The following LRP1 variants were observed in gnomAD, a reference collection of about 807,000 sequenced individuals.
LRP1 encodes the protein LDL receptor related protein 1.
In LRP1, 51 loss-of-function variants were observed where a neutral mutation model predicts 541.5. The ratio of observed to expected loss-of-function variants is 0.09; its 90% confidence interval spans 0.08 to 0.12. The LOEUF is 0.12. LRP1 is among the 10% of genes least tolerant of loss of function. The pLI is 1.00. For synonymous variants in LRP1, 2,219 were observed against 2,470.8 expected (o/e 0.90, Z 3.02); for missense variants, 3,878 against 6,376.2 (o/e 0.61, Z 13.34).
At chr12:57,202,176 C>A (rs919403320) in intron 67 of LRP1, among the ~76,000 whole-genome samples, 2 of 152,182 alleles carry the variant, frequency 1.3e-5, no homozygotes, top group Admixed American at 1.3e-4. Context: ...TCCCTGCCCA[C>A]CCTATGGGAT....
At position 57,192,970 on chromosome 12, in the gene LRP1, G is replaced by A. The variant is rs1201338239; in HGVS notation, c.7555G>A (p.Ala2519Thr). The A allele has an allele frequency of 3.1e-6, 5 of 1,613,080 alleles. No homozygotes were observed. The highest frequency in any genetic ancestry group is 1.3e-5 in the African/African-American group (1 of 75,036). The change falls in exon 45 of 89, where the codon GCG (alanine) becomes ACG (threonine). Residue 2519 changes from alanine to threonine, a missense_variant and splice_region_variant. This residue lies in a region of LRP1 where 1,100 missense variants were observed against 1,827.4 expected (regional missense o/e 0.60). Transcript: ENST00000243077. Reference protein sequence around the residue: ...RILQDDLTCRAVNSSCRAQDE... With the variant: ...RILQDDLTCRTVNSSCRAQDE... ...CCTCCAGGATGACCTCACCTGCCGA[G>A]GTGAGAGAGGCGGGGGGGAGGGGCT... is the stretch of plus-strand genomic sequence containing the variant.
Position 57,212,716 on chromosome 12 carries a change from C to A in LRP1, c.*161C>A. On this transcript the variant is annotated 3_prime_UTR_variant, in exon 89 of 89. Transcript: ENST00000243077. This position sits in a 1 kb window ranked among gnomAD's most constrained non-coding sequence, Gnocchi z 5.0. ...ATATGTGAGCGAGCAAGCCGGCAAG[C>A]GAGCACAGTATTATTTCTCCATCCC... The A allele has an allele frequency of 1.3e-6, 1 of 763,252 alleles. No homozygotes were observed. The highest frequency in any genetic ancestry group is 2.0e-6 in the Non-Finnish European group (1 of 491,354). The allele number at this position is 763,252 out of a possible 1,614,324, so 47.3% of individuals were successfully genotyped here.
intron 70 of LRP1, 185 bp downstream of exon 70, chr12:57,203,706 G>T: frequency 1.3e-6 from 1 of 743,834 alleles, no homozygotes; most frequent in Non-Finnish European, 2.0e-6. Flanking sequence ...AAGACACAGG[G>T]CCCCTGAATA....
At position 57,162,638 on chromosome 12, in the gene LRP1, A is replaced by T; in HGVS notation, c.2404+120A>T. 8.0e-7 allele frequency: 1 copy of T among 1,243,098 alleles called. No individual in the cohort carries two copies. Among genetic ancestry groups the T allele is most frequent in the Non-Finnish European group, 1.1e-6 (1 of 886,060 alleles). 77.0% of individuals were successfully genotyped at this position (1,243,098 alleles called of 1,614,324 possible). On this transcript the variant is annotated intron_variant, in intron 14 of 88. Transcript: ENST00000243077. The surrounding 1 kb of genome is among the most constrained non-coding windows in gnomAD (Gnocchi z 5.2). ...CAGGGATCCTAGGCTCTGACTTTTGAGGATCCTGAGAAGAGAACTCCCCCA... is the reference window on the plus strand; with the variant it reads ...CAGGGATCCTAGGCTCTGACTTTTGTGGATCCTGAGAAGAGAACTCCCCCA...
In LRP1 at chr12:57,183,894, G is replaced by C. The variant is rs760386438; in HGVS notation, c.5914G>C (p.Val1972Leu). 2.5e-6 allele frequency: 4 copies of C among 1,614,184 alleles called. No homozygotes were observed. In the South Asian group the frequency reaches 4.4e-5, roughly 18 times the overall value. Residue 1972 changes from valine (V) to leucine (L), a missense_variant, in exon 36 of 89, where the codon GTG (valine) becomes CTG (leucine). Coordinates refer to ENST00000243077, the MANE Select transcript of LRP1 (RefSeq NM_002332.3). The surrounding 1 kb of genome is among the most constrained non-coding windows in gnomAD (Gnocchi z 6.1). ...CATTGGCCGTGTGGAGGGCATTGCA[G>C]TGGACTGGATCGCAGGTGAGCAGTG... is the stretch of plus-strand genomic sequence containing the variant. Reference protein sequence around the residue: ...NGIGRVEGIAVDWIAGNIYWT... With the variant: ...NGIGRVEGIALDWIAGNIYWT...
rs865857394 is a variant in LRP1, at chr12:57,180,553, T to C, written c.5386+74T>C. The C allele has an allele frequency of 1.9e-6, 3 of 1,607,640 alleles. No homozygotes were observed. In the Middle Eastern group the frequency reaches 5.0e-4, roughly 267 times the overall value. On this transcript the variant is annotated intron_variant, in intron 32 of 88. Transcript: ENST00000243077. Reference sequence around the variant, plus strand: ...GACCTACTGGGAGACAGGGGCTGGCTTGGGGCAGTCTCTCACCATGTGGGG... The same window carrying C: ...GACCTACTGGGAGACAGGGGCTGGCCTGGGGCAGTCTCTCACCATGTGGGG...
chr12:57,197,474 C>A lies in LRP1; in HGVS notation c.9163-71C>A. ...GTCTCCCCGCTTAGGTCCAACCATC[C>A]CTCCCCCAGATGCAAATGTGGCCCC... On this transcript the variant is annotated intron_variant, in intron 57 of 88. Transcript: ENST00000243077. This position sits in a 1 kb window ranked among gnomAD's most constrained non-coding sequence, Gnocchi z 4.5. 1 of 1,612,654 alleles carries A rather than the reference C, an allele frequency of 6.2e-7. No individual in the cohort carries two copies. The highest frequency in any genetic ancestry group is 2.2e-5 in the East Asian group (1 of 44,864).
chr12:57,144,536 C>G (rs1219302196), intron 4 of LRP1: 3 of 166,758 alleles, frequency 1.8e-5, no homozygotes, highest in African/African-American at 7.2e-5. Flanking sequence ...AAACTGCATC[C>G]CTGCCATCTG....
intron 24 of LRP1, among the ~76,000 whole-genome samples, chr12:57,176,586 G>C (rs757028457): frequency 6.6e-6 from 1 of 152,172 alleles, no homozygotes; most frequent in Non-Finnish European, 1.5e-5. Flanking sequence ...CTGAGCAAAG[G>C]CTTCTAAGAG....
intron 3 of LRP1, among the ~76,000 whole-genome samples, chr12:57,142,611 G>A (rs36120134): frequency 1.4e-3 from 219 of 152,234 alleles, no homozygotes; most frequent in African/African-American, 5.0e-3. Flanking sequence ...TTCCTTTTGA[G>A]TACCTTTACA....
At chr12:57,209,282 A>G in intron 79 of LRP1, 83 bp downstream of exon 79, 5 of 1,072,120 alleles carry the variant, frequency 4.7e-6, no homozygotes, top group African/African-American at 1.6e-5. Flanking sequence ...CCTCACTTCA[A>G]TGCCTCCCAT....
In LRP1 at chr12:57,185,165, G is replaced by A; in HGVS notation, c.6423G>A (p.Gln2141=). Residue 2141 remains glutamine (Q), a synonymous_variant, in exon 40 of 89, where the codon CAG becomes CAA. Coordinates refer to ENST00000243077, the MANE Select transcript of LRP1 (RefSeq NM_002332.3). This position sits in a 1 kb window ranked among gnomAD's most constrained non-coding sequence, Gnocchi z 4.9. ...CCCTGCGAACCGGCATCGGCGTCCAGCTTAAAGACATCAAAGTCTTCAACC... is the reference window on the plus strand; with the variant it reads ...CCCTGCGAACCGGCATCGGCGTCCAACTTAAAGACATCAAAGTCTTCAACC... ...SVPLRTGIGV[Q]LKDIKVFNRD... is the part of the protein sequence containing the mutation. 3 of 1,614,172 alleles carry A rather than the reference G, an allele frequency of 1.9e-6. No individual in the cohort carries two copies. Among genetic ancestry groups the A allele is most frequent in the East Asian group, 2.2e-5 (1 of 44,874 alleles).
chr12:57,209,899 A>C (rs1462708772), intron 80 of LRP1, 31 bp downstream of exon 80: 1 of 1,609,250 alleles, frequency 6.2e-7, no homozygotes, highest in East Asian at 2.2e-5. Flanking sequence ...GGGCTGGGGA[A>C]GGGAGGCCTG....
Position 57,209,748 on chromosome 12 carries a change from T to G in LRP1, c.12319T>G (p.Tyr4107Asp). 1 of 1,614,198 alleles carries G rather than the reference T, an allele frequency of 6.2e-7. No homozygotes were observed. Among genetic ancestry groups the G allele is most frequent in the South Asian group, 1.1e-5 (1 of 91,086 alleles). The change falls in exon 80 of 89, where the codon TAC becomes GAC. Residue 4107 changes from tyrosine (Y) to aspartate (D), a missense_variant. Tyr to Asp is a radical substitution (Grantham distance 160, BLOSUM62 -3). Around this residue, in one of 13 missense-constraint regions of LRP1, gnomAD observed 871 missense variants for 1,212.4 expected, o/e 0.72. Transcript: ENST00000243077. ...VFEDYIYGVTYINNRVFKIHK... is the reference protein window; with the variant it reads ...VFEDYIYGVTDINNRVFKIHK... The stretch of plus-strand genomic sequence containing the variant: ...TGAGGATTACATCTATGGTGTCACC[T>G]ACATCAATAATCGTGTCTTCAAGAT...
At chr12:57,209,547 A>T in intron 79 of LRP1, 145 bp from the exon 80 acceptor site, 1 of 676,100 alleles carries the variant, frequency 1.5e-6, no homozygotes, top group Non-Finnish European at 2.6e-6. Context: ...TGGCCACAGG[A>T]GGAGGAACCG....
In LRP1 at chr12:57,210,996, C is replaced by T. The variant is rs1430932657; in HGVS notation, c.12916+117C>T. The T allele has an allele frequency of 5.6e-6, 8 of 1,436,040 alleles. No homozygotes were observed. The East Asian group carries it at 1.9e-4, about 35-fold the overall frequency. The allele number at this position is 1,436,040 out of a possible 1,614,324, so 89.0% of individuals were successfully genotyped here. A position where few individuals can be genotyped will look rare whatever the true frequency, so the allele number is the denominator to read the frequency against. On this transcript the variant is annotated intron_variant, in intron 83 of 88. Coordinates refer to ENST00000243077, the MANE Select transcript of LRP1 (RefSeq NM_002332.3). ...ACAGGGGCAAGTTCAGGAAAGAAGG[C>T]CTTATGCAGCTGAGCCAGGCCCAAG...
chr12:57,211,226 G>A lies in LRP1; in HGVS notation c.12967G>A (p.Asp4323Asn). The A allele has an allele frequency of 6.2e-7, 1 of 1,614,240 alleles. No homozygotes were observed. Among genetic ancestry groups the A allele is most frequent in the Middle Eastern group, 1.6e-4 (1 of 6,062 alleles). The change falls in exon 84 of 89, where the codon GAT (aspartate) becomes AAT (asparagine). Residue 4323 changes from aspartate (D) to asparagine (N), a missense_variant. Coordinates refer to ENST00000243077, the MANE Select transcript of LRP1 (RefSeq NM_002332.3). The surrounding 1 kb of genome is among the most constrained non-coding windows in gnomAD (Gnocchi z 4.3). ...CTTTGGCACATGCCAGATGGCTGCTGATGGCTCCCGACAATGCCGCTGCAC... is the reference window on the plus strand; with the variant it reads ...CTTTGGCACATGCCAGATGGCTGCTAATGGCTCCCGACAATGCCGCTGCAC... ...ENFGTCQMAA[D>N]GSRQCRCTAY...
chr12:57,203,686 A>G (rs2036706888), intron 70 of LRP1, 165 bp downstream of exon 70: 5 of 912,518 alleles, frequency 5.5e-6, no homozygotes, highest in Non-Finnish European at 7.9e-6. Context: ...TTAGGGACGT[A>G]GTAGTAAACA....
Position 57,195,024 on chromosome 12 carries a change from A to G in LRP1, c.8231A>G (p.His2744Arg). 6.2e-7 allele frequency: 1 copy of G among 1,613,990 alleles called. No homozygotes were observed. Among genetic ancestry groups the G allele is most frequent in the Non-Finnish European group, 8.5e-7 (1 of 1,179,938 alleles). The part of the protein sequence containing the change: ...CSEAQFECQN[H>R]RCISKQWLCD... Reference sequence around the variant, plus strand: ...GAGGCCCAGTTTGAGTGCCAGAACCATCGCTGCATCTCCAAGCAGTGGCTG... The same window carrying G: ...GAGGCCCAGTTTGAGTGCCAGAACCGTCGCTGCATCTCCAAGCAGTGGCTG... The change falls in exon 51 of 89, where the codon CAT becomes CGT. Residue 2744 changes from histidine to arginine, a missense_variant. Around this residue, in one of 13 missense-constraint regions of LRP1, gnomAD observed 1,100 missense variants for 1,827.4 expected, o/e 0.60. Transcript: ENST00000243077.
Sources: allele counts gnomAD v4.1 joint callset (sites outside exome capture counted in the v4.1 genomes callset), GRCh38; gene constraint gnomAD v4.1.1; regional missense constraint gnomAD v4.1.1; non-coding constraint Gnocchi (gnomAD v3.1); transcripts MANE v1.5; gene names NCBI Gene and HGNC (gene_info 2026-07-23, HGNC 2026-07-21).